DYNC2H1: variants seen among roughly 807,000 people sequenced by gnomAD.
DYNC2H1 encodes cytoplasmic dynein 2 heavy chain 1.
Under a neutral mutation model 570.0 loss-of-function variants are expected in DYNC2H1, and 410 were observed. The observed-to-expected ratio is 0.72, with a 90% CI of 0.66 to 0.78. The LOEUF (loss-of-function observed/expected upper bound fraction) is 0.78, where lower values mean the gene tolerates loss of function less well. Among genes scored for constraint, DYNC2H1 ranks in the 30% least tolerant of loss-of-function variants. The pLI is 0.00. For missense variants in DYNC2H1, 4,865 were observed against 5,046.4 expected, an observed-to-expected ratio of 0.96 and a Z score of 1.09; for synonymous variants, 1,688 against 1,677.6, an observed-to-expected ratio of 1.01 and a Z score of -0.15.
intron 83 of DYNC2H1, among the ~76,000 whole-genome samples, chr11:103,379,656 T>G (rs562757920): frequency 6.6e-6 from 1 of 152,336 alleles, no homozygotes; most frequent in East Asian, 1.9e-4. Context: ...AACTTGGTTC[T>G]GTAGCCAACC....
At chr11:103,390,704 ATCTC>A (rs1942108372) in intron 83 of DYNC2H1, among the ~76,000 whole-genome samples, 1 of 152,108 alleles carries the variant, frequency 6.6e-6, no homozygotes, top group African/African-American at 2.4e-5. Context: ...TGGTGACAAA[ATCTC>A]TCAGCACTTG....
At chr11:103,294,745 C>G (rs1866752012) in intron 75 of DYNC2H1, among the ~76,000 whole-genome samples, 1 of 152,096 alleles carries the variant, frequency 6.6e-6, no homozygotes, top group African/African-American at 2.4e-5. Context: ...GCTTGGCTGT[C>G]ACTGATGTTA....
At chr11:103,114,051 T>A (rs1316179119) in intron 2 of DYNC2H1, 52 bp from the exon 3 acceptor site, 5 of 1,583,680 alleles carry the variant, frequency 3.2e-6, no homozygotes, top group Non-Finnish European at 4.3e-6. Context: ...GAAGCCAATT[T>A]GATTAGCAAA....
At chr11:103,322,057 TACTG>T (rs750075328) in intron 81 of DYNC2H1, among the ~76,000 whole-genome samples, 4 of 152,162 alleles carry the variant, frequency 2.6e-5, no homozygotes, top group African/African-American at 7.2e-5. Flanking sequence ...ATATTACTCT[TACTG>T]ACTATCTTAC....
chr11:103,204,902 G>T lies in DYNC2H1; in HGVS notation c.8392G>T (p.Ala2798Ser). 3 of 1,594,348 alleles carry T rather than the reference G, an allele frequency of 1.9e-6. No homozygotes were observed. The highest frequency in any genetic ancestry group is 2.6e-6 in the Non-Finnish European group (3 of 1,169,180). The change falls in exon 52 of 89, where the codon GCT (alanine) becomes TCT (serine). Residue 2798 changes from alanine to serine, a missense_variant. Physicochemically the swap from Ala to Ser is moderately conservative, Grantham distance 99. Transcript: ENST00000375735. The surrounding 1 kb of genome is among the most constrained non-coding windows in gnomAD (Gnocchi z 4.1). ...NFMINCESNPALHKKCQVLWM... is the reference protein window; with the variant it reads ...NFMINCESNPSLHKKCQVLWM... ...CATGATAAACTGTGAGAGTAATCCA[G>T]CTTTGCATAAGAAATGCCAGGTGTT...
intron 11 of DYNC2H1, among the ~76,000 whole-genome samples, chr11:103,123,346 T>A (rs1858821193): frequency 6.6e-6 from 1 of 152,156 alleles, no homozygotes; most frequent in Non-Finnish European, 1.5e-5. Flanking sequence ...TAAACAATGT[T>A]GTGGTTTTGT....
intron 83 of DYNC2H1, among the ~76,000 whole-genome samples, chr11:103,396,857 C>A: frequency 6.6e-6 from 1 of 152,126 alleles, no homozygotes; most frequent in Non-Finnish European, 1.5e-5. Context: ...CCATTATCCT[C>A]AGTGAAATAA....
At chr11:103,333,050 G>GAATT in intron 82 of DYNC2H1, among the ~76,000 whole-genome samples, 1 of 78,600 alleles carries the variant, frequency 1.3e-5, no homozygotes, top group East Asian at 4.1e-4. Context: ...ATTGCCAGCA[G>GAATT]ACTTTATAAG....
Position 103,399,728 on chromosome 11 carries a change from A to T in DYNC2H1, c.12222A>T (p.Ser4074=). Residue 4074 remains serine (S), a synonymous_variant, in exon 84 of 89, where the codon TCA becomes TCT. Transcript: ENST00000375735. ...ATCGACAAGGATCTCCAATACTGTC[A>T]TTCATCATTCTTGAACAATTTAATG... The part of the protein sequence containing the change: ...PNDRQGSPIL[S]FIILEQFNAI... 2 of 1,613,940 alleles carry T rather than the reference A, an allele frequency of 1.2e-6. No individual in the cohort carries two copies. The highest frequency in any genetic ancestry group is 1.7e-6 in the Non-Finnish European group (2 of 1,179,834).
intron 34 of DYNC2H1, among the ~76,000 whole-genome samples, chr11:103,171,358 C>T (rs900026175): frequency 2.0e-5 from 3 of 151,938 alleles, no homozygotes; most frequent in African/African-American, 4.8e-5. Flanking sequence ...CAGGTTCAAG[C>T]GATTCTCCTG....
In DYNC2H1 at chr11:103,275,844, G is replaced by A. The variant is rs371623940; in HGVS notation, c.10696-4504G>A. On this transcript the variant is annotated intron_variant, in intron 70 of 88. Coordinates refer to ENST00000375735, the MANE Select transcript of DYNC2H1 (RefSeq NM_001377.3). The surrounding 1 kb of genome is among the most constrained non-coding windows in gnomAD (Gnocchi z 4.8). ...TAAACATCCATATGCAGGTTTTTGT[G>A]TAGACATAACATTTCAACACATTTA... 6.6e-6 allele frequency among the ~76,000 whole-genome samples: 1 copy of A among 152,130 alleles called. No homozygotes were observed. The highest frequency in any genetic ancestry group is 2.4e-5 in the African/African-American group (1 of 41,440).
intron 75 of DYNC2H1, among the ~76,000 whole-genome samples, chr11:103,294,602 C>T (rs1264297952): frequency 6.6e-6 from 1 of 152,086 alleles, no homozygotes; most frequent in East Asian, 1.9e-4. Flanking sequence ...CTGGGTTTCC[C>T]AGAGTTTGGG....
Position 103,321,062 on chromosome 11 carries a change from G to T in DYNC2H1, c.11759G>T (p.Gly3920Val), listed in dbSNP as rs762846246. The change falls in exon 81 of 89, where the codon GGT becomes GTT. Residue 3920 changes from glycine (G) to valine (V), a missense_variant. Physicochemically the swap from Gly to Val is moderately radical, Grantham distance 109. Coordinates refer to ENST00000375735, the MANE Select transcript of DYNC2H1 (RefSeq NM_001377.3). ...AKDVQWEFVH[G>V]LLENAIYGGR... ...GATGTACAATGGGAATTTGTACATG[G>T]TTTACTTGAAAATGCTATTTATGGA... 62 of 1,612,314 alleles carry T rather than the reference G, an allele frequency of 3.8e-5. No homozygotes were observed. The highest frequency in any genetic ancestry group is 4.8e-5 in the Non-Finnish European group (57 of 1,179,250).
chr11:103,303,056 C>A (rs774943188), intron 75 of DYNC2H1, 37 bp from the exon 76 acceptor site: 1 of 1,361,710 alleles, frequency 7.3e-7, no homozygotes, highest in Non-Finnish European at 9.6e-7. Context: ...ATAATGCATA[C>A]TGCTTTTATT....
intron 65 of DYNC2H1, among the ~76,000 whole-genome samples, 162 bp from the exon 66 acceptor site, chr11:103,253,123 A>G (rs527769565): frequency 2.6e-5 from 4 of 152,284 alleles, no homozygotes; most frequent in South Asian, 4.1e-4. Flanking sequence ...GTGCTGATAA[A>G]TAGAACATTC....
At chr11:103,422,992 T>C (rs1943539284) in intron 84 of DYNC2H1, among the ~76,000 whole-genome samples, 1 of 152,006 alleles carries the variant, frequency 6.6e-6, no homozygotes, top group Non-Finnish European at 1.5e-5. Context: ...TTTGTAAGTA[T>C]TGGCAATTTG....
chr11:103,362,458 A>G (rs1940703633), intron 83 of DYNC2H1, among the ~76,000 whole-genome samples: 1 of 149,470 alleles, frequency 6.7e-6, no homozygotes, highest in East Asian at 2.0e-4. Flanking sequence ...CCATTGTTTC[A>G]GTATTTACAA....
Position 103,325,460 on chromosome 11 carries a change from A to C in DYNC2H1, c.12039+1470A>C, listed in dbSNP as rs560250548. 3.3e-4 allele frequency among the ~76,000 whole-genome samples: 50 copies of C among 152,316 alleles called. No homozygotes were observed. Among genetic ancestry groups the C allele is most frequent in the African/African-American group, 1.2e-3 (49 of 41,576 alleles). ...TAGTTAACCCAGTACCATTTATTGA[A>C]TAGGAAGTTCTTTCCCCACTGCTTG... On this transcript the variant is annotated intron_variant, in intron 82 of 88. Transcript: ENST00000375735. This position sits in a 1 kb window ranked among gnomAD's most constrained non-coding sequence, Gnocchi z 4.8.
chr11:103,451,530 G>A lies in DYNC2H1; in HGVS notation c.12457-3656G>A, dbSNP rs192023723. On this transcript the variant is annotated intron_variant, in intron 85 of 88. Transcript: ENST00000375735. The stretch of plus-strand genomic sequence containing the variant: ...GTATTTTTAGTAGAGACGGGGTTTT[G>A]CCATGTTGGCCAGGATGGTCTCGAT... 6.0e-4 allele frequency among the ~76,000 whole-genome samples: 91 copies of A among 151,826 alleles called. 3 individuals carry two copies. Among genetic ancestry groups the A allele is most frequent in the Admixed American group, 5.5e-3 (84 of 15,250 alleles).
Sources: allele counts gnomAD v4.1 joint callset (sites outside exome capture counted in the v4.1 genomes callset), GRCh38; gene constraint gnomAD v4.1.1; non-coding constraint Gnocchi (gnomAD v3.1); transcripts MANE v1.5; gene names NCBI Gene and HGNC (gene_info 2026-07-23, HGNC 2026-07-21).